Variants in DNAH3 observed in about 807,000 individuals in gnomAD.
The protein encoded by DNAH3 is axonemal beta dynein heavy chain 3.
A neutral mutation model predicts 432.5 loss-of-function variants in DNAH3; 332 were observed. The observed-to-expected ratio is 0.77, with a 90% confidence interval of 0.70 to 0.84. The LOEUF (loss-of-function observed/expected upper bound fraction) is 0.84, where lower values mean the gene tolerates loss of function less well. Among genes scored for constraint, DNAH3 ranks in the 40% least tolerant of loss-of-function variants. The pLI, the probability that DNAH3 is intolerant of heterozygous loss-of-function variation, is 0.00. For synonymous variants in DNAH3, 1,956 were observed against 1,900.2 expected, an observed-to-expected ratio of 1.03 and a Z score of -0.76; for missense variants, 4,861 against 5,114.0, an observed-to-expected ratio of 0.95 and a Z score of 1.51.
At chr16:21,015,824 C>T (rs541937705) in intron 41 of DNAH3, among the ~76,000 whole-genome samples, 45 of 152,074 alleles carry the variant, frequency 3.0e-4, no homozygotes, top group African/African-American at 1.0e-3. Flanking sequence ...TGGAGTCTTG[C>T]TCTGTCGCCC....
intron 36 of DNAH3, 21 bp from the exon 37 acceptor site, chr16:21,031,307 C>G (rs2088860913): frequency 6.2e-7 from 1 of 1,613,740 alleles, no homozygotes; most frequent in Non-Finnish European, 8.5e-7. Context: ...AGGTTCAACA[C>G]CAGTTATAAA....
chr16:21,127,926 A>G (rs1302231187), intron 7 of DNAH3, 114 bp from the exon 9 acceptor site: 2 of 1,280,364 alleles, frequency 1.6e-6, no homozygotes, highest in Non-Finnish European at 1.1e-6. Context: ...AAGCAGAATC[A>G]AATGAATTAC....
At chr16:21,147,224 A>ATT (rs796252295) in intron 1 of DNAH3, among the ~76,000 whole-genome samples, 11 of 139,646 alleles carry the variant, frequency 7.9e-5, no homozygotes, top group African/African-American at 2.9e-4. Context: ...TGACTCTTGC[A>ATT]TTTTTTTTTT....
chr16:21,154,112 A>T (rs542758826), intron 1 of DNAH3, among the ~76,000 whole-genome samples: 1 of 152,342 alleles, frequency 6.6e-6, no homozygotes, highest in East Asian at 1.9e-4. Flanking sequence ...GAAGTGAAAA[A>T]TTAGAATGGG....
chr16:21,059,232 C>T (rs1045042894), intron 26 of DNAH3, among the ~76,000 whole-genome samples: 3 of 152,124 alleles, frequency 2.0e-5, no homozygotes, highest in Non-Finnish European at 4.4e-5. Context: ...TACTATCTGG[C>T]TCTTTACAGA....
At chr16:21,082,852 A>C (rs968776014) in intron 19 of DNAH3, among the ~76,000 whole-genome samples, 1 of 149,432 alleles carries the variant, frequency 6.7e-6, no homozygotes. Flanking sequence ...ATTAACACAA[A>C]TGGCTCACGT....
chr16:20,963,891 A>G (rs1389998232), exon 53 of DNAH3: 2 of 1,614,092 alleles, frequency 1.2e-6, no homozygotes, highest in South Asian at 2.2e-5. Context: ...GGGTCAAGGA[A>G]TGCATGTAGA....
intron 38 of DNAH3, among the ~76,000 whole-genome samples, chr16:21,025,021 T>A (rs528405717): frequency 2.2e-4 from 33 of 152,286 alleles, no homozygotes; most frequent in South Asian, 8.3e-4. Context: ...GCCTCCCTGG[T>A]TCAAGTGATT....
chr16:20,940,831 C>T (rs2083777977), intron 59 of DNAH3, among the ~76,000 whole-genome samples: 1 of 152,156 alleles, frequency 6.6e-6, no homozygotes, highest in Non-Finnish European at 1.5e-5. Flanking sequence ...CAGTGGCTCC[C>T]ACCTGTAATC....
At chr16:21,103,598 TA>T (rs1428474194) in intron 16 of DNAH3, among the ~76,000 whole-genome samples, 1 of 152,144 alleles carries the variant, frequency 6.6e-6, no homozygotes, top group Non-Finnish European at 1.5e-5. Flanking sequence ...GGAGCACACT[TA>T]GGCCACATTT....
intron 7 of DNAH3, among the ~76,000 whole-genome samples, chr16:21,131,436 G>GAAGA (rs147176563): frequency 0.23 from 33,105 of 143,226 alleles, 4,078 homozygotes; most frequent in East Asian, 0.29. Flanking sequence ...GAAAAGAAAG[G>GAAGA]AAGAAAGAAA....
intron 1 of DNAH3, among the ~76,000 whole-genome samples, chr16:21,154,297 T>C (rs1165887011): frequency 6.6e-6 from 1 of 151,964 alleles, no homozygotes; most frequent in East Asian, 1.9e-4. Flanking sequence ...CCCAGCTTCT[T>C]GGGTTGCTGA....
Position 21,136,600 on chromosome 16 carries a change from AT to A in DNAH3, c.697-88del, listed in dbSNP as rs2092646382. The A allele has an allele frequency of 8.3e-6, 10 of 1,211,580 alleles. 1 individual carries two copies. Among genetic ancestry groups the A allele is most frequent in the Middle Eastern group, 1.9e-4 (1 of 5,218 alleles). The allele number at this position is 1,211,580 out of a possible 1,614,324, so 75.1% of individuals were successfully genotyped here. A position where few individuals can be genotyped will look rare whatever the true frequency, so the allele number is the denominator to read the frequency against. On this transcript the variant is annotated intron_variant, in intron 5 of 61. Coordinates refer to ENST00000261383, the Ensembl canonical transcript of DNAH3. Reference sequence around the variant, plus strand: ...TGCCCATCAGCTGCCAAGGGACCCCATTCATACAGCATTCGTCTGCACCCTT... The same window carrying A: ...TGCCCATCAGCTGCCAAGGGACCCCATCATACAGCATTCGTCTGCACCCTT...
At chr16:21,044,715 A>C (rs1335233840) in intron 31 of DNAH3, among the ~76,000 whole-genome samples, 26 of 69,880 alleles carry the variant, frequency 3.7e-4, no homozygotes, top group East Asian at 6.9e-4. Context: ...ACTATGTTGA[A>C]TAGGAGTGGT....
intron 54 of DNAH3, among the ~76,000 whole-genome samples, chr16:20,956,892 T>A (rs892700891): frequency 6.6e-6 from 1 of 151,988 alleles, no homozygotes; most frequent in Non-Finnish European, 1.5e-5. Context: ...CCTGGCTAAT[T>A]TTTGTATTTT....
rs531596727 is a variant in DNAH3 at position 20,997,765 on chromosome 16, G to A, written c.6422-303C>T. On this transcript the variant is annotated intron_variant, in intron 43 of 61. Transcript: ENST00000261383. ...TATAATCCCAGCACTGTGGGAGGCC[G>A]AGGCAGGCAGATTGCTTGAGCTCAG... Among the ~76,000 whole-genome samples the A allele has an allele frequency of 1.8e-4, 27 of 151,214 alleles. No individual in the cohort carries two copies. The South Asian group carries it at 2.7e-3, about 15-fold the overall frequency.
At chr16:21,010,613 T>C (rs1350656736) in intron 41 of DNAH3, among the ~76,000 whole-genome samples, 1 of 152,196 alleles carries the variant, frequency 6.6e-6, no homozygotes, top group Non-Finnish European at 1.5e-5. Context: ...GATCCATTTA[T>C]GCCATGTCTT....
chr16:21,105,125 C>T (rs2091917292), intron 15 of DNAH3, among the ~76,000 whole-genome samples: 1 of 152,066 alleles, frequency 6.6e-6, no homozygotes, highest in Non-Finnish European at 1.5e-5. Flanking sequence ...GGAGGCAGAG[C>T]CCACAGTGAG....
chr16:20,988,351 C>T (rs1275894898), intron 44 of DNAH3, among the ~76,000 whole-genome samples: 1 of 152,226 alleles, frequency 6.6e-6, no homozygotes, highest in Non-Finnish European at 1.5e-5. Flanking sequence ...AGAGCATCTC[C>T]ATACTGCGGA....
Sources: gnomAD v4.1 joint callset for allele counts (sites outside exome capture counted in the v4.1 genomes callset) on GRCh38, gnomAD v4.1.1 for gene constraint, MANE v1.5 for transcripts, NCBI Gene and HGNC (gene_info 2026-07-23, HGNC 2026-07-21) for gene names.